UMAD1: variants seen among roughly 807,000 people sequenced by gnomAD.
The protein encoded by UMAD1 is UBAP1-MVB12-associated (UMA) domain containing 1.
A neutral mutation model predicts 6.1 loss-of-function variants in UMAD1; 8 were observed. That is an observed-to-expected ratio of 1.30 (90% CI 0.76 to 2.35). UMAD1 has a LOEUF of 2.35. UMAD1 is among the 30% of genes most tolerant of loss of function. The probability of loss-of-function intolerance (pLI) is 0.00; values close to 1 mark genes in which losing one functional copy is unlikely to be tolerated. For missense variants in UMAD1, 130 were observed against 78.4 expected (o/e 1.66, Z -2.49); for synonymous variants, 56 against 31.4 (o/e 1.78, Z -2.61).
chr7:7,720,154 T>G (rs1231058574), intron 2 of UMAD1, among the ~76,000 whole-genome samples: 1 of 152,178 alleles, frequency 6.6e-6, no homozygotes, highest in Non-Finnish European at 1.5e-5. Flanking sequence ...AGTAGAATAC[T>G]TAGAAATTGC....
Position 7,673,310 on chromosome 7 carries a change from TAGCAGCAGC to T in UMAD1, c.-9_-1del. ...CATTGTGTAATGTTTCTATTTCAGG[TAGCAGCAGC>T]AGCAGCAGCAGCAGCAGCAGCAGCA... On this transcript the variant is annotated splice_region_variant and 5_prime_UTR_variant, in exon 2 of 4. Transcript: ENST00000682710. The T allele has an allele frequency of 0.28, 292,109 of 1,029,772 alleles. 41,130 individuals are homozygous for T. The highest frequency in any genetic ancestry group is 0.47 in the East Asian group (17,436 of 36,770). 63.8% of individuals were successfully genotyped at this position (1,029,772 alleles called of 1,614,324 possible).
At chr7:7,707,156 G>A (rs913901220) in intron 2 of UMAD1, among the ~76,000 whole-genome samples, 2 of 151,912 alleles carry the variant, frequency 1.3e-5, no homozygotes, top group African/African-American at 4.8e-5. Context: ...TTGAGGAGAT[G>A]GAATAAACAG....
rs189394566 is a variant in UMAD1 at position 7,752,570 on chromosome 7, A to C, written c.83-49100A>C. On this transcript the variant is annotated intron_variant, in intron 2 of 3. Coordinates refer to ENST00000682710, the MANE Select transcript of UMAD1 (RefSeq NM_001302348.2). ...TTTACAGTGATCCTAAAAACCCGAC[A>C]TGAGTTGTGAACTGAAAAGAATCTT... 7.5e-4 allele frequency among the ~76,000 whole-genome samples: 114 copies of C among 152,234 alleles called. 1 individual carries two copies. Among genetic ancestry groups the C allele is most frequent in the African/African-American group, 2.6e-3 (108 of 41,588 alleles).
intron 2 of UMAD1, chr7:7,686,130 A>G (rs1368101496): frequency 1.3e-5 from 2 of 152,222 alleles, no homozygotes; most frequent in Non-Finnish European, 2.9e-5. Context: ...GATGTCTGAG[A>G]ATTGCTGGAA....
chr7:7,841,612 A>C, intron 3 of UMAD1, among the ~76,000 whole-genome samples: 1 of 152,184 alleles, frequency 6.6e-6, no homozygotes, highest in Non-Finnish European at 1.5e-5. Context: ...CTCACAAATT[A>C]TCACATTTTT....
At chr7:7,642,710 T>C (rs1302266707) in intron 1 of UMAD1, among the ~76,000 whole-genome samples, 1 of 151,830 alleles carries the variant, frequency 6.6e-6, no homozygotes. Flanking sequence ...ATGAAATGAA[T>C]CCATGGGGCC....
intron 2 of UMAD1, among the ~76,000 whole-genome samples, chr7:7,709,127 G>C (rs1418139224): frequency 6.6e-6 from 1 of 152,106 alleles, no homozygotes; most frequent in Non-Finnish European, 1.5e-5. Context: ...ATTCGGCATG[G>C]TTAAGGGATT....
intron 1 of UMAD1, among the ~76,000 whole-genome samples, chr7:7,646,918 G>C (rs1431585146): frequency 1.3e-5 from 2 of 152,138 alleles, no homozygotes; most frequent in African/African-American, 4.8e-5. Flanking sequence ...ACATTTGGGT[G>C]CAAAAACAGC....
At chr7:7,862,039 A>G (rs896424024) in intron 3 of UMAD1, among the ~76,000 whole-genome samples, 5 of 152,188 alleles carry the variant, frequency 3.3e-5, no homozygotes, top group African/African-American at 1.2e-4. Flanking sequence ...TATCATACTT[A>G]GGTTATGAGA....
intron 2 of UMAD1, among the ~76,000 whole-genome samples, chr7:7,781,032 G>C (rs1426425934): frequency 6.6e-6 from 1 of 152,126 alleles, no homozygotes; most frequent in Non-Finnish European, 1.5e-5. Flanking sequence ...CCTGGAAGTG[G>C]ATTTACCAGC....
intron 2 of UMAD1, among the ~76,000 whole-genome samples, chr7:7,681,085 A>G (rs1779900049): frequency 6.6e-6 from 1 of 152,154 alleles, no homozygotes; most frequent in Non-Finnish European, 1.5e-5. Flanking sequence ...CTAAGTAAAA[A>G]CTTATAAACA....
At chr7:7,852,445 C>T (rs1783935849) in intron 3 of UMAD1, among the ~76,000 whole-genome samples, 1 of 152,166 alleles carries the variant, frequency 6.6e-6, no homozygotes, top group Non-Finnish European at 1.5e-5. Flanking sequence ...ACACCTCAGA[C>T]AACAGTCACA....
chr7:7,877,721 T>G lies in UMAD1; in HGVS notation c.*183T>G, dbSNP rs545616764. The G allele has an allele frequency of 1.4e-4, 79 of 560,568 alleles. No individual in the cohort carries two copies. The highest frequency in any genetic ancestry group is 2.4e-4 in the Non-Finnish European group (75 of 316,056). The allele number at this position is 560,568 out of a possible 1,614,324, so 34.7% of individuals were successfully genotyped here. A position where few individuals can be genotyped will look rare whatever the true frequency, so the allele number is the denominator to read the frequency against. On this transcript the variant is annotated 3_prime_UTR_variant, in exon 4 of 4. Transcript: ENST00000682710. ...AGGTACATTTGTATACAAATTGAAC[T>G]TAAGTTCTACTTCCTTTCTCCCATA...
chr7:7,683,601 A>G (rs945000164), intron 2 of UMAD1, among the ~76,000 whole-genome samples: 1 of 152,046 alleles, frequency 6.6e-6, no homozygotes, highest in Non-Finnish European at 1.5e-5. Flanking sequence ...ACATGATCCT[A>G]TGAAATGAAA....
At chr7:7,863,616 T>C (rs948973492) in intron 3 of UMAD1, among the ~76,000 whole-genome samples, 39 of 152,300 alleles carry the variant, frequency 2.6e-4, no homozygotes, top group African/African-American at 9.1e-4. Context: ...TTTATGTAAA[T>C]GGGCAGTAGA....
intron 2 of UMAD1, among the ~76,000 whole-genome samples, chr7:7,778,769 T>A (rs1782279367): frequency 6.6e-6 from 1 of 152,222 alleles, no homozygotes; most frequent in Admixed American, 6.5e-5. Flanking sequence ...AGATTATTTA[T>A]TGTGAATTAG....
intron 2 of UMAD1, among the ~76,000 whole-genome samples, chr7:7,779,066 A>G (rs1403135547): frequency 6.6e-6 from 1 of 152,158 alleles, no homozygotes; most frequent in Admixed American, 6.5e-5. Context: ...CAGCTATCAT[A>G]TGGTAGAAAT....
chr7:7,835,462 C>CTTTTTTTT lies in UMAD1; in HGVS notation c.156+33750_156+33757dup, dbSNP rs150411259. On this transcript the variant is annotated intron_variant, in intron 3 of 3. Transcript: ENST00000682710. ...CATTCATTCACTCATTGAAACAGCACTTTTTTTTTTTTTTTTTTTTTTTTT... is the reference window on the plus strand; with the variant it reads ...CATTCATTCACTCATTGAAACAGCACTTTTTTTTTTTTTTTTTTTTTTTTTTTTTTTTT... 5.0e-4 allele frequency among the ~76,000 whole-genome samples: 17 copies of CTTTTTTTT among 33,684 alleles called. 2 individuals carry two copies. Among genetic ancestry groups the CTTTTTTTT allele is most frequent in the African/African-American group, 6.1e-4 (6 of 9,826 alleles). The allele number at this position is 33,684 out of a possible 152,430, so 22.1% of individuals were successfully genotyped here.
chr7:7,808,280 C>T (rs1476589240), intron 3 of UMAD1, among the ~76,000 whole-genome samples: 1 of 151,938 alleles, frequency 6.6e-6, no homozygotes, highest in Non-Finnish European at 1.5e-5. Context: ...CTACTGTGTT[C>T]TACTAGTCTT....
Sources: gnomAD v4.1 joint callset for allele counts (sites outside exome capture counted in the v4.1 genomes callset) on GRCh38, gnomAD v4.1.1 for gene constraint, MANE v1.5 for transcripts, NCBI Gene and HGNC (gene_info 2026-07-23, HGNC 2026-07-21) for gene names.